The following PCDHGB5 variants were observed in gnomAD, a reference collection of about 807,000 sequenced individuals.
The protein encoded by PCDHGB5 is protocadherin gamma subfamily B, 5.
A neutral mutation model predicts 62.9 loss-of-function variants in PCDHGB5; 48 were observed. The observed-to-expected ratio is 0.76, with a 90% CI of 0.61 to 0.97. The LOEUF (loss-of-function observed/expected upper bound fraction) is 0.97. PCDHGB5 is among the 50% of genes least tolerant of loss of function. PCDHGB5 has a pLI of 0.00. For synonymous variants in PCDHGB5, 474 were observed against 511.2 expected, an observed-to-expected ratio of 0.93 and a Z score of 0.98; for missense variants, 1,118 against 1,198.6, an observed-to-expected ratio of 0.93 and a Z score of 0.99.
intron 1 of PCDHGB5, chr5:141,414,814 A>C (rs1368279926): frequency 6.2e-7 from 1 of 1,614,100 alleles, no homozygotes; most frequent in African/African-American, 1.3e-5. Flanking sequence ...TCCTCCACTC[A>C]GCAGCAACGT....
rs749773693 is a variant in PCDHGB5 at position 141,398,857 on chromosome 5, C to T, written c.730C>T (p.Arg244Ter). 15 of 1,613,800 alleles carry T rather than the reference C, an allele frequency of 9.3e-6. No individual in the cohort carries two copies. The highest frequency in any genetic ancestry group is 1.3e-5 in the African/African-American group (1 of 74,910). ...CAATGATAATCCCCCGGTATTCAACCGAGACGTGTACAGAGTCAGCCTTCG... is the reference window on the plus strand; with the variant it reads ...CAATGATAATCCCCCGGTATTCAACTGAGACGTGTACAGAGTCAGCCTTCG... Reference protein sequence around the residue: ...DANDNPPVFNRDVYRVSLREN... With the variant: ...DANDNPPVFN Residue 244 changes from arginine to a stop codon, truncating the protein, a stop_gained, in exon 1 of 4, where the codon CGA (arginine) becomes TGA (stop). Coordinates refer to ENST00000617380, the MANE Select transcript of PCDHGB5 (RefSeq NM_018925.3). LOFTEE classifies it high-confidence loss of function.
Position 141,487,306 on chromosome 5 carries a change from ACT to A in PCDHGB5, c.2398-7496_2398-7495del. 1 of 1,613,414 alleles carries A rather than the reference ACT, an allele frequency of 6.2e-7. No individual in the cohort carries two copies. The highest frequency in any genetic ancestry group is 8.5e-7 in the Non-Finnish European group (1 of 1,179,874). ...TCTCCTTTGGCTCATTCGTGGCACT[ACT>A]CTCTAAGTGTCTTCGTGGGGCAGCC... On this transcript the variant is annotated intron_variant, in intron 1 of 3. Coordinates refer to ENST00000617380, the MANE Select transcript of PCDHGB5 (RefSeq NM_018925.3). The surrounding 1 kb of genome is among the most constrained non-coding windows in gnomAD (Gnocchi z 5.0).
rs747527070 is a variant in PCDHGB5 at position 141,399,641 on chromosome 5, C to T, written c.1514C>T (p.Ala505Val). The change falls in exon 1 of 4, where the codon GCG becomes GTG. Residue 505 changes from alanine to valine, a missense_variant. Around this residue, in one of 2 missense-constraint regions of PCDHGB5, gnomAD observed 1,034 missense variants for 1,029.1 expected, o/e 1.00. Transcript: ENST00000617380. ...LALASYVSMS[A>V]QSGVVFAQRA... ...CTGGCCTCTTACGTGTCCATGAGCG[C>T]GCAAAGTGGGGTGGTGTTCGCGCAG... 5 of 1,613,852 alleles carry T rather than the reference C, an allele frequency of 3.1e-6. No individual in the cohort carries two copies. Among genetic ancestry groups the T allele is most frequent in the Non-Finnish European group, 4.2e-6 (5 of 1,179,894 alleles).
chr5:141,487,069 T>C lies in PCDHGB5; in HGVS notation c.2398-7738T>C, dbSNP rs750739955. 26 of 1,614,160 alleles carry C rather than the reference T, an allele frequency of 1.6e-5. No homozygotes were observed. Among genetic ancestry groups the C allele is most frequent in the Non-Finnish European group, 2.0e-5 (24 of 1,180,002 alleles). On this transcript the variant is annotated intron_variant, in intron 1 of 3. Transcript: ENST00000617380. This position sits in a 1 kb window ranked among gnomAD's most constrained non-coding sequence, Gnocchi z 5.0. The stretch of plus-strand genomic sequence containing the variant: ...ATGCTGGGGAGGTGCGGACGGCTGT[T>C]CCTATCCCAGCTGACCTCCCACCAC...
At chr5:141,427,120 TC>T (rs1212765591) in intron 1 of PCDHGB5, 1 of 457,342 alleles carries the variant, frequency 2.2e-6, no homozygotes, top group African/African-American at 2.0e-5. Context: ...ACCTACTCTT[TC>T]AAATCCCTAC....
At chr5:141,433,253 G>C (rs1288721469) in intron 1 of PCDHGB5, 1 of 1,416,466 alleles carries the variant, frequency 7.1e-7, no homozygotes, top group East Asian at 2.3e-5. Flanking sequence ...GAATGCAGCG[G>C]TACGATCATA....
chr5:141,497,492 C>G (rs954582026), intron 2 of PCDHGB5, among the ~76,000 whole-genome samples: 1 of 151,628 alleles, frequency 6.6e-6, no homozygotes, highest in Non-Finnish European at 1.5e-5. Flanking sequence ...ACCTCTCTCT[C>G]TCTCCTCTCT....
At chr5:141,442,694 C>A (rs549307212) in intron 1 of PCDHGB5, among the ~76,000 whole-genome samples, 22 of 152,304 alleles carry the variant, frequency 1.4e-4, no homozygotes, top group Non-Finnish European at 3.1e-4. Flanking sequence ...GTCAGGCAGA[C>A]AAGAGTATCA....
chr5:141,458,385 C>T (rs1371423838), intron 1 of PCDHGB5, among the ~76,000 whole-genome samples: 15 of 152,104 alleles, frequency 9.9e-5, no homozygotes, highest in East Asian at 1.9e-4. Context: ...AGAAGGAAGA[C>T]GCTCCCCCTT....
intron 1 of PCDHGB5, chr5:141,428,889 C>G (rs1486441305): frequency 1.3e-5 from 2 of 150,826 alleles, no homozygotes; most frequent in African/African-American, 4.9e-5. Flanking sequence ...GAGTCTCGCT[C>G]TGTGGTCCAG....
At position 141,493,235 on chromosome 5, in the gene PCDHGB5, T is replaced by G. The variant is rs541360337; in HGVS notation, c.2398-1572T>G. Among the ~76,000 whole-genome samples the G allele has an allele frequency of 6.6e-6, 1 of 152,352 alleles. No homozygotes were observed. The highest frequency in any genetic ancestry group is 1.5e-5 in the Non-Finnish European group (1 of 68,036). On this transcript the variant is annotated intron_variant, in intron 1 of 3. Transcript: ENST00000617380. This position sits in a 1 kb window ranked among gnomAD's most constrained non-coding sequence, Gnocchi z 4.3. ...TGCTCTTCCCACCATTGCTGTTGGC[T>G]AGGTACTAACATGCCTCTCTTATAA...
chr5:141,474,563 A>G lies in PCDHGB5; in HGVS notation c.2398-20244A>G, dbSNP rs143794984. 1.4e-3 allele frequency among the ~76,000 whole-genome samples: 210 copies of G among 152,332 alleles called. 2 individuals are homozygous for G. The highest frequency in any genetic ancestry group is 5.0e-3 in the African/African-American group (207 of 41,572). ...TGAGCATTTAAAACTGGGGGTTTTC[A>G]GAGATTAATTGAAGTGTTAAAGACA... On this transcript the variant is annotated intron_variant, in intron 1 of 3. Coordinates refer to ENST00000617380, the MANE Select transcript of PCDHGB5 (RefSeq NM_018925.3).
At chr5:141,435,800 A>G (rs530461064) in intron 1 of PCDHGB5, among the ~76,000 whole-genome samples, 20 of 152,128 alleles carry the variant, frequency 1.3e-4, no homozygotes, top group Non-Finnish European at 2.6e-4. Flanking sequence ...ATAACGTCCC[A>G]ATTATTTTTT....
intron 1 of PCDHGB5, among the ~76,000 whole-genome samples, chr5:141,466,815 A>G (rs1019952491): frequency 1.3e-5 from 2 of 152,182 alleles, no homozygotes; most frequent in Non-Finnish European, 2.9e-5. Flanking sequence ...CAGACATGGT[A>G]TAACAAGTTA....
rs1367772661 is a variant in PCDHGB5, at chr5:141,512,193, GGAAGCTC to G, written c.*1026_*1032del. 2.0e-5 allele frequency: 3 copies of G among 152,756 alleles called. No homozygotes were observed. Among genetic ancestry groups the G allele is most frequent in the Non-Finnish European group, 4.4e-5 (3 of 68,136 alleles). 9.5% of individuals were successfully genotyped at this position (152,756 alleles called of 1,614,324 possible). ...GGATTAAACTGGCATTTCAGTCCAAGGAAGCTCGAAGCAGGTTTAGGACCAGGTCCCC... is the reference window on the plus strand; with the variant it reads ...GGATTAAACTGGCATTTCAGTCCAAGGAAGCAGGTTTAGGACCAGGTCCCC... On this transcript the variant is annotated 3_prime_UTR_variant, in exon 4 of 4. Coordinates refer to ENST00000617380, the MANE Select transcript of PCDHGB5 (RefSeq NM_018925.3).
chr5:141,417,683 A>AAG lies in PCDHGB5; in HGVS notation c.2397+17160_2397+17161insGA, dbSNP rs201105096. 3.0e-3 allele frequency: 3,154 copies of AAG among 1,038,272 alleles called. 110 individuals carry two copies. In the East Asian group the frequency reaches 0.071, roughly 24 times the overall value. The allele number at this position is 1,038,272 out of a possible 1,614,324, so 64.3% of individuals were successfully genotyped here. The stretch of plus-strand genomic sequence containing the variant: ...GATTCCCTGCGCAGCCAACAACAGA[A>AAG]AAGAAAACCAGCTCCCACACAGAGG... On this transcript the variant is annotated intron_variant, in intron 1 of 3. Transcript: ENST00000617380.
Position 141,487,070 on chromosome 5 carries a change from C to T in PCDHGB5, c.2398-7737C>T. ...TGCTGGGGAGGTGCGGACGGCTGTT[C>T]CTATCCCAGCTGACCTCCCACCACA... On this transcript the variant is annotated intron_variant, in intron 1 of 3. Coordinates refer to ENST00000617380, the MANE Select transcript of PCDHGB5 (RefSeq NM_018925.3). This position sits in a 1 kb window ranked among gnomAD's most constrained non-coding sequence, Gnocchi z 5.0. The T allele has an allele frequency of 6.2e-7, 1 of 1,614,154 alleles. No homozygotes were observed. Among genetic ancestry groups the T allele is most frequent in the Non-Finnish European group, 8.5e-7 (1 of 1,180,008 alleles).
At position 141,399,274 on chromosome 5, in the gene PCDHGB5, C is replaced by T; in HGVS notation, c.1147C>T (p.Gln383Ter). ...GENGEVNCQL[Q>*]GEVPFKIISS... ...AAATGGGGAGGTTAATTGTCAATTACAAGGCGAAGTCCCTTTTAAGATTAT... is the reference window on the plus strand; with the variant it reads ...AAATGGGGAGGTTAATTGTCAATTATAAGGCGAAGTCCCTTTTAAGATTAT... Residue 383 changes from glutamine to a stop codon, truncating the protein, a stop_gained, in exon 1 of 4, where the codon CAA (glutamine) becomes TAA (stop). Transcript: ENST00000617380. LOFTEE classifies it high-confidence loss of function. 6.2e-7 allele frequency: 1 copy of T among 1,613,848 alleles called. No homozygotes were observed. The highest frequency in any genetic ancestry group is 8.5e-7 in the Non-Finnish European group (1 of 1,179,796).
chr5:141,415,130 A>G (rs2095833213), intron 1 of PCDHGB5: 3 of 1,613,636 alleles, frequency 1.9e-6, no homozygotes, highest in South Asian at 1.1e-5. Flanking sequence ...GCCGTCCAGG[A>G]CCACGGCCAG....
Sources: allele counts gnomAD v4.1 joint callset (sites outside exome capture counted in the v4.1 genomes callset), GRCh38; gene constraint gnomAD v4.1.1; regional missense constraint gnomAD v4.1.1; non-coding constraint Gnocchi (gnomAD v3.1); transcripts MANE v1.5; gene names NCBI Gene and HGNC (gene_info 2026-07-23, HGNC 2026-07-21).